AHR: variants seen among roughly 807,000 people sequenced by gnomAD.
AHR encodes the protein AH-receptor.
A neutral mutation model predicts 86.8 loss-of-function variants in AHR; 40 were observed. The ratio of observed to expected loss-of-function variants is 0.46; its 90% CI spans 0.36 to 0.60. The LOEUF (loss-of-function observed/expected upper bound fraction) is 0.60. AHR is among the 20% of genes least tolerant of loss of function. The pLI, the probability that AHR is intolerant of heterozygous loss-of-function variation, is 0.00. For synonymous variants in AHR, 398 were observed against 354.9 expected (o/e 1.12, Z -1.37); for missense variants, 1,001 against 1,011.6 (o/e 0.99, Z 0.14).
chr7:17,336,637 T>A (rs547485750), intron 9 of AHR, among the ~76,000 whole-genome samples: 1 of 152,292 alleles, frequency 6.6e-6, no homozygotes, highest in South Asian at 2.1e-4. Flanking sequence ...AGAATTAACA[T>A]CTTTTTAATA....
intron 10 of AHR, among the ~76,000 whole-genome samples, chr7:17,342,632 A>G (rs1782438177): frequency 6.6e-6 from 1 of 152,088 alleles, no homozygotes; most frequent in Non-Finnish European, 1.5e-5. Context: ...ATCAATTCCT[A>G]CCTGACCCAA....
chr7:17,322,710 A>T (rs1013974153), intron 3 of AHR, 103 bp downstream of exon 3: 1 of 817,426 alleles, frequency 1.2e-6, no homozygotes, highest in Non-Finnish European at 1.9e-6. Flanking sequence ...GATTTGCTCA[A>T]TGTTTTTTGC....
At chr7:17,323,429 A>G (rs923273227) in intron 3 of AHR, among the ~76,000 whole-genome samples, 3 of 152,228 alleles carry the variant, frequency 2.0e-5, no homozygotes, top group African/African-American at 7.2e-5. Flanking sequence ...TTTAGTTTCT[A>G]ATTTGTCTAT....
chr7:17,299,460 A>G, intron 1 of AHR, 131 bp downstream of exon 1: 1 of 1,070,876 alleles, frequency 9.3e-7, no homozygotes, highest in African/African-American at 1.6e-5. Context: ...TGCCCGTGGA[A>G]TCGAGGTTTG....
chr7:17,312,605 G>A (rs991267219), intron 2 of AHR, among the ~76,000 whole-genome samples: 3 of 152,132 alleles, frequency 2.0e-5, no homozygotes, highest in African/African-American at 7.2e-5. Flanking sequence ...ATCTTATAAA[G>A]CATGTCATAG....
intron 5 of AHR, among the ~76,000 whole-genome samples, chr7:17,330,358 G>T (rs1782274410): frequency 6.6e-6 from 1 of 151,846 alleles, no homozygotes; most frequent in African/African-American, 2.4e-5. Flanking sequence ...ATGGAAGGAA[G>T]GTACAAGGTT....
intron 10 of AHR, among the ~76,000 whole-genome samples, chr7:17,341,476 AC>A (rs1782423086): frequency 1.3e-5 from 2 of 152,132 alleles, no homozygotes; most frequent in Non-Finnish European, 2.9e-5. Flanking sequence ...TTTTCCCCTC[AC>A]TACTTTTCAC....
intron 9 of AHR, among the ~76,000 whole-genome samples, chr7:17,337,300 A>G (rs576292089): frequency 6.6e-6 from 1 of 152,242 alleles, no homozygotes; most frequent in Non-Finnish European, 1.5e-5. Context: ...ATGTAATCCT[A>G]TGAAGAATAC....
At chr7:17,341,095 T>G (rs1018371673) in intron 10 of AHR, among the ~76,000 whole-genome samples, 1 of 152,284 alleles carries the variant, frequency 6.6e-6, no homozygotes, top group African/African-American at 2.4e-5. Flanking sequence ...AAAGTATATT[T>G]AAGTTTAGTT....
At chr7:17,338,026 C>T (rs1055974836) in intron 9 of AHR, among the ~76,000 whole-genome samples, 31 of 151,118 alleles carry the variant, frequency 2.1e-4, no homozygotes, top group Non-Finnish European at 3.4e-4. Flanking sequence ...GGTGAAACCC[C>T]GTCTCTACTA....
At chr7:17,325,684 C>T (rs893027285) in intron 3 of AHR, among the ~76,000 whole-genome samples, 1 of 152,006 alleles carries the variant, frequency 6.6e-6, no homozygotes, top group Non-Finnish European at 1.5e-5. Context: ...TAGCAAGCTA[C>T]CACAGGAACA....
At chr7:17,311,738 C>A (rs1236337033) in intron 2 of AHR, among the ~76,000 whole-genome samples, 1 of 152,146 alleles carries the variant, frequency 6.6e-6, no homozygotes, top group African/African-American at 2.4e-5. Flanking sequence ...CCAAACCCTT[C>A]ATCTTGGGAG....
At chr7:17,317,529 G>T (rs1377002754) in intron 2 of AHR, among the ~76,000 whole-genome samples, 1 of 152,128 alleles carries the variant, frequency 6.6e-6, no homozygotes, top group Non-Finnish European at 1.5e-5. Flanking sequence ...AGCATGGAAT[G>T]ATAATTTTAA....
chr7:17,332,813 T>C (rs1782314577), intron 6 of AHR, among the ~76,000 whole-genome samples: 1 of 151,978 alleles, frequency 6.6e-6, no homozygotes, highest in Non-Finnish European at 1.5e-5. Context: ...GTATAGTGTT[T>C]ATAAACTCTA....
intron 10 of AHR, among the ~76,000 whole-genome samples, chr7:17,340,980 A>G (rs1215055820): frequency 6.6e-6 from 1 of 152,158 alleles, no homozygotes; most frequent in Non-Finnish European, 1.5e-5. Context: ...GATCACTTAA[A>G]AAAAAAAAGT....
intron 3 of AHR, among the ~76,000 whole-genome samples, chr7:17,324,436 A>G (rs1235000438): frequency 6.6e-6 from 1 of 152,232 alleles, no homozygotes; most frequent in Non-Finnish European, 1.5e-5. Flanking sequence ...TCTGTATACC[A>G]TATGGCCTAA....
At chr7:17,306,218 A>C (rs1004302349) in intron 1 of AHR, among the ~76,000 whole-genome samples, 1 of 152,122 alleles carries the variant, frequency 6.6e-6, no homozygotes, top group Non-Finnish European at 1.5e-5. Context: ...CAAAAGTAAA[A>C]ATATTAGCGT....
intron 2 of AHR, among the ~76,000 whole-genome samples, chr7:17,322,064 G>A (rs1782179822): frequency 6.6e-6 from 1 of 151,760 alleles, no homozygotes; most frequent in African/African-American, 2.4e-5. Flanking sequence ...ACCACCACCA[G>A]TTCCCTAATA....
At chr7:17,303,121 G>A (rs780106331) in intron 1 of AHR, among the ~76,000 whole-genome samples, 1 of 152,040 alleles carries the variant, frequency 6.6e-6, no homozygotes, top group Non-Finnish European at 1.5e-5. Flanking sequence ...TATTTTGCTA[G>A]TGGCTTAATA....
Sources: gnomAD v4.1 joint callset for allele counts (sites outside exome capture counted in the v4.1 genomes callset) on GRCh38, gnomAD v4.1.1 for gene constraint, MANE v1.5 for transcripts, NCBI Gene and HGNC (gene_info 2026-07-23, HGNC 2026-07-21) for gene names.